Variants in STRN3 observed in about 807,000 individuals in gnomAD.
STRN3 encodes the protein striatin 3.
A neutral mutation model predicts 95.6 loss-of-function variants in STRN3; 29 were observed. The ratio of observed to expected loss-of-function variants is 0.30; its 90% CI spans 0.23 to 0.41. The LOEUF (loss-of-function observed/expected upper bound fraction) is 0.41, where lower values mean the gene tolerates loss of function less well. Among genes scored for constraint, STRN3 ranks in the 10% least tolerant of loss-of-function variants. STRN3 has a pLI of 1.00. For synonymous variants in STRN3, 331 were observed against 357.6 expected (o/e 0.93, Z 0.84); for missense variants, 890 against 972.1 (o/e 0.92, Z 1.12).
rs144333786 is a variant in STRN3, at chr14:31,006,845, G to A, written c.282+19059C>T. Among the ~76,000 whole-genome samples the A allele has an allele frequency of 3.2e-3, 491 of 152,184 alleles. 3 individuals are homozygous for A. Among genetic ancestry groups the A allele is most frequent in the African/African-American group, 0.011 (462 of 41,524 alleles). ...TGTTAATGTAGCCTGGTGCAACAGGGCAGGCCTGCAATCCCAGCCACTCTG... is the reference window on the plus strand; with the variant it reads ...TGTTAATGTAGCCTGGTGCAACAGGACAGGCCTGCAATCCCAGCCACTCTG... On this transcript the variant is annotated intron_variant, in intron 1 of 17. Coordinates refer to ENST00000357479, the MANE Select transcript of STRN3 (RefSeq NM_001083893.2).
At chr14:31,003,804 A>AAAC (rs1358619498) in intron 1 of STRN3, among the ~76,000 whole-genome samples, 2 of 147,396 alleles carry the variant, frequency 1.4e-5, no homozygotes, top group African/African-American at 2.4e-5. Context: ...CTTAAAAAAA[A>AAAC]AAAAAAAAAA....
At chr14:31,017,226 G>C (rs767275414) in intron 1 of STRN3, among the ~76,000 whole-genome samples, 1 of 152,044 alleles carries the variant, frequency 6.6e-6, no homozygotes, top group Non-Finnish European at 1.5e-5. Context: ...TAGGCCGGGC[G>C]CAGTGGCTCA....
chr14:30,923,256 T>A (rs1400520706), intron 8 of STRN3, among the ~76,000 whole-genome samples: 2 of 152,214 alleles, frequency 1.3e-5, no homozygotes, highest in African/African-American at 4.8e-5. Context: ...ACAACTGTAT[T>A]TCCTGGTGAC....
Position 30,947,123 on chromosome 14 carries a change from T to C in STRN3, c.683A>G (p.Glu228Gly). 6.2e-7 allele frequency: 1 copy of C among 1,605,540 alleles called. No individual in the cohort carries two copies. Residue 228 changes from glutamate (E) to glycine (G), a missense_variant, in exon 5 of 18, where the codon GAA becomes GGA. Transcript: ENST00000357479. Reference protein sequence around the residue: ...KNLEQILNGGESPKQKGQEIK... With the variant: ...KNLEQILNGGGSPKQKGQEIK... ...TTCTTGTCCCTTTTGCTTAGGAGAT[T>C]CACCTCCATTCAGGATCTGTTCTAA...
intron 9 of STRN3, among the ~76,000 whole-genome samples, chr14:30,918,088 C>CAA (rs1896785641): frequency 6.6e-6 from 1 of 152,058 alleles, no homozygotes; most frequent in African/African-American, 2.4e-5. Flanking sequence ...CTGGTTTAGG[C>CAA]AAATTTTATA....
At chr14:30,940,691 T>A (rs1879050947) in intron 5 of STRN3, among the ~76,000 whole-genome samples, 1 of 152,212 alleles carries the variant, frequency 6.6e-6, no homozygotes, top group African/African-American at 2.4e-5. Context: ...GAAACAAACA[T>A]CCCTGGAAAT....
chr14:30,917,844 G>T (rs902347294), intron 9 of STRN3, among the ~76,000 whole-genome samples: 1 of 151,996 alleles, frequency 6.6e-6, no homozygotes, highest in African/African-American at 2.4e-5. Context: ...TTTTGACTGG[G>T]ACATCAAACA....
At chr14:30,900,443 C>CGGGGG (rs71112349) in intron 16 of STRN3, among the ~76,000 whole-genome samples, 12 of 52,378 alleles carry the variant, frequency 2.3e-4, no homozygotes, top group African/African-American at 8.9e-4. Flanking sequence ...GGGTGTGGGG[C>CGGGGG]GGGGGGGGGC....
rs984636291 is a variant in STRN3, at chr14:30,894,026, C to A, written c.*1385G>T. On this transcript the variant is annotated 3_prime_UTR_variant, in exon 18 of 18. Transcript: ENST00000357479. ...AAACCTTACAAAACTCATCAAAACT[C>A]GCAAACTGATCAGAAAAGTTTCTCG... The A allele has an allele frequency of 6.6e-6, 1 of 152,482 alleles. No individual in the cohort carries two copies. Among genetic ancestry groups the A allele is most frequent in the Non-Finnish European group, 1.5e-5 (1 of 68,006 alleles). 9.4% of individuals were successfully genotyped at this position (152,482 alleles called of 1,614,324 possible). A position where few individuals can be genotyped will look rare whatever the true frequency, so the allele number is the denominator to read the frequency against.
At chr14:31,007,327 GA>G (rs1485485311) in intron 1 of STRN3, among the ~76,000 whole-genome samples, 2 of 152,272 alleles carry the variant, frequency 1.3e-5, no homozygotes, top group South Asian at 2.1e-4. Flanking sequence ...ACAAAAGGCA[GA>G]ACTGGTAGAC....
chr14:30,941,568 G>A (rs140952320), intron 5 of STRN3, among the ~76,000 whole-genome samples: 11 of 152,168 alleles, frequency 7.2e-5, no homozygotes, highest in African/African-American at 2.2e-4. Context: ...AGTAGGGGAG[G>A]GGTGGTGTTA....
intron 1 of STRN3, among the ~76,000 whole-genome samples, chr14:31,017,486 G>A (rs1470795422): frequency 6.7e-6 from 1 of 150,334 alleles, no homozygotes; most frequent in Non-Finnish European, 1.5e-5. Context: ...GCGACGCAGC[G>A]AGACTCCGTC....
chr14:30,908,617 A>G (rs934216421), intron 13 of STRN3, among the ~76,000 whole-genome samples: 1 of 152,190 alleles, frequency 6.6e-6, no homozygotes, highest in Non-Finnish European at 1.5e-5. Flanking sequence ...TCGAAAGTGC[A>G]GACTGCTTCT....
At chr14:30,901,783 G>A (rs993717558) in intron 16 of STRN3, among the ~76,000 whole-genome samples, 2 of 152,090 alleles carry the variant, frequency 1.3e-5, no homozygotes, top group African/African-American at 2.4e-5. Context: ...AATACAACTG[G>A]TATATTTCCC....
At chr14:30,947,306 T>C in intron 4 of STRN3, 43 bp from the exon 5 acceptor site, 1 of 1,438,812 alleles carries the variant, frequency 7.0e-7, no homozygotes, top group Non-Finnish European at 9.3e-7. Flanking sequence ...ACTGTTAACA[T>C]GTGCCAGACT....
At chr14:30,900,347 G>T (rs1896272841) in intron 16 of STRN3, among the ~76,000 whole-genome samples, 1 of 113,498 alleles carries the variant, frequency 8.8e-6, no homozygotes, top group African/African-American at 3.4e-5. Flanking sequence ...CAATAAGAAT[G>T]AAACTCCATC....
chr14:30,932,805 C>G (rs1247888635), intron 7 of STRN3, among the ~76,000 whole-genome samples: 1 of 152,116 alleles, frequency 6.6e-6, no homozygotes, highest in African/African-American at 2.4e-5. Context: ...GATTAAATTT[C>G]TAGCAACTTT....
At chr14:30,966,528 C>T (rs1466634732) in intron 1 of STRN3, among the ~76,000 whole-genome samples, 1 of 152,144 alleles carries the variant, frequency 6.6e-6, no homozygotes, top group Non-Finnish European at 1.5e-5. Context: ...CGAGGAATAA[C>T]CCGAGCTCTC....
chr14:31,004,291 A>T (rs866016182), intron 1 of STRN3, among the ~76,000 whole-genome samples: 16 of 150,656 alleles, frequency 1.1e-4, no homozygotes, highest in African/African-American at 3.7e-4. Context: ...AACCCTGCCT[A>T]AAAAAAAAGT....
Sources: gnomAD v4.1 joint callset for allele counts (sites outside exome capture counted in the v4.1 genomes callset) on GRCh38, gnomAD v4.1.1 for gene constraint, MANE v1.5 for transcripts, NCBI Gene and HGNC (gene_info 2026-07-23, HGNC 2026-07-21) for gene names.